Variants in SNRPD2 observed in about 807,000 individuals in gnomAD.
SNRPD2 encodes the protein small nuclear ribonucleoprotein D2 polypeptide, also known as small nuclear ribonucleoprotein Sm D2.
Under a neutral mutation model 11.5 loss-of-function variants are expected in SNRPD2, and 1 was observed. The observed-to-expected ratio is 0.09, with a 90% confidence interval of 0.03 to 0.41. SNRPD2 has a LOEUF of 0.41. Ranked by LOEUF, SNRPD2 falls within the 10% of genes least tolerant of loss-of-function variation. The pLI is 0.98. For synonymous variants in SNRPD2, 63 were observed against 61.5 expected (o/e 1.02, Z -0.12); for missense variants, 77 against 154.9 (o/e 0.50, Z 2.67).
chr19:45,690,330 A>C (rs1043231247), intron 1 of SNRPD2, among the ~76,000 whole-genome samples: 5 of 39,810 alleles, frequency 1.3e-4, no homozygotes, highest in African/African-American at 3.1e-4. Flanking sequence ...ACTCCGTCTC[A>C]AAAAAAAAAA....
In SNRPD2 at chr19:45,691,938, G is replaced by T. The variant is rs369793788; in HGVS notation, c.-50C>A. Reference sequence around the variant, plus strand: ...CTCCCGTTTCCTCCGCGTTGCTGCTGCCTGAGGAGAGAGAGGCGGGACTTC... The same window carrying T: ...CTCCCGTTTCCTCCGCGTTGCTGCTTCCTGAGGAGAGAGAGGCGGGACTTC... On this transcript the variant is annotated 5_prime_UTR_variant, in exon 1 of 3. Transcript: ENST00000342669. 2 of 1,613,884 alleles carry T rather than the reference G, an allele frequency of 1.2e-6. No homozygotes were observed. Among genetic ancestry groups the T allele is most frequent in the Non-Finnish European group, 1.7e-6 (2 of 1,179,906 alleles).
At chr19:45,691,987 T>C (rs562095087), upstream of SNRPD2, 129 of 1,612,240 alleles carry the variant, frequency 8.0e-5, no homozygotes, top group East Asian at 1.7e-3. Flanking sequence ...CCACTTCCGT[T>C]GGCGCCTGCG....
At position 45,688,602 on chromosome 19, in the gene SNRPD2, G is replaced by A. The variant is rs1967466680; in HGVS notation, c.3-36C>T. The A allele has an allele frequency of 1.9e-6, 3 of 1,570,890 alleles. No individual in the cohort carries two copies. The highest frequency in any genetic ancestry group is 2.6e-6 in the Non-Finnish European group (3 of 1,141,102). On this transcript the variant is annotated intron_variant, in intron 1 of 2. Transcript: ENST00000342669. The surrounding 1 kb of genome is among the most constrained non-coding windows in gnomAD (Gnocchi z 4.1). ...AAACATGGAACCAATAAGTGAGAGAGGCTGGAGTTGAGAGGCTGGAGCTGT... is the reference window on the plus strand; with the variant it reads ...AAACATGGAACCAATAAGTGAGAGAAGCTGGAGTTGAGAGGCTGGAGCTGT...
At chr19:45,691,535 A>ATTTTT in intron 1 of SNRPD2, 3 of 232,620 alleles carry the variant, frequency 1.3e-5, no homozygotes, top group African/African-American at 2.7e-5. Flanking sequence ...TTCATAATTA[A>ATTTTT]ATTTTTTTTT....
chr19:45,689,077 C>G (rs1350095476), intron 1 of SNRPD2, among the ~76,000 whole-genome samples: 4 of 151,004 alleles, frequency 2.6e-5, no homozygotes, highest in Non-Finnish European at 5.9e-5. Flanking sequence ...TCCAGATCAC[C>G]CAACCACCCA....
Position 45,688,987 on chromosome 19 carries a change from C to T in SNRPD2, c.3-421G>A, listed in dbSNP as rs1967474377. 6.6e-6 allele frequency among the ~76,000 whole-genome samples: 1 copy of T among 152,136 alleles called. No homozygotes were observed. The highest frequency in any genetic ancestry group is 2.4e-5 in the African/African-American group (1 of 41,420). On this transcript the variant is annotated intron_variant, in intron 1 of 2. Coordinates refer to ENST00000342669, the MANE Select transcript of SNRPD2 (RefSeq NM_001384647.1). This position sits in a 1 kb window ranked among gnomAD's most constrained non-coding sequence, Gnocchi z 4.1. ...TGACCTTGTGATCCACCCGCCTCGA[C>T]CTCCCAAAGTGCTGAGATTATAGGC...
At chr19:45,689,203 T>A (rs758618593) in intron 1 of SNRPD2, 11 of 520,026 alleles carry the variant, frequency 2.1e-5, no homozygotes, top group African/African-American at 7.7e-5. Flanking sequence ...ACATCCTACA[T>A]GAAATCTGTA....
rs563616095 is a variant in SNRPD2, at chr19:45,691,699, TC to T, written c.2+187del. On this transcript the variant is annotated intron_variant, in intron 1 of 2. Coordinates refer to ENST00000342669, the MANE Select transcript of SNRPD2 (RefSeq NM_001384647.1). ...GGCGTTATCTGATAAAGCTGTCCCC[TC>T]TCCCGAAGTCACGATGCGTCAAAGG... The T allele has an allele frequency of 5.6e-5, 41 of 737,474 alleles. No homozygotes were observed. In the African/African-American group the frequency reaches 6.9e-4, roughly 12 times the overall value. The allele number at this position is 737,474 out of a possible 1,614,324, so 45.7% of individuals were successfully genotyped here.
chr19:45,688,269 C>T lies in SNRPD2; in HGVS notation c.182+118G>A, dbSNP rs1206440159. The T allele has an allele frequency of 3.6e-6, 3 of 833,330 alleles. No individual in the cohort carries two copies. The Admixed American group carries it at 7.7e-5, about 21-fold the overall frequency. 51.6% of individuals were successfully genotyped at this position (833,330 alleles called of 1,614,324 possible). The stretch of plus-strand genomic sequence containing the variant: ...AAGTGCTGGGATTACAGGCATGAGC[C>T]ACCACGCCTGGCCATACACCCCAGG... On this transcript the variant is annotated intron_variant, in intron 2 of 2. Transcript: ENST00000342669. The surrounding 1 kb of genome is among the most constrained non-coding windows in gnomAD (Gnocchi z 4.1).
At chr19:45,689,633 C>G (rs1233064208) in intron 1 of SNRPD2, among the ~76,000 whole-genome samples, 2 of 152,218 alleles carry the variant, frequency 1.3e-5, no homozygotes, top group Admixed American at 1.3e-4. Context: ...ATTGCTTGAA[C>G]TCAGAGAGTC....
At chr19:45,690,648 A>G (rs1375698344) in intron 1 of SNRPD2, 1 of 151,524 alleles carries the variant, frequency 6.6e-6, no homozygotes, top group Non-Finnish European at 1.5e-5. Flanking sequence ...CTTGGCCAAC[A>G]TGGTGAAACC....
chr19:45,691,729 C>A, intron 1 of SNRPD2, 158 bp downstream of exon 1: 1 of 915,378 alleles, frequency 1.1e-6, no homozygotes, highest in South Asian at 1.4e-5. Flanking sequence ...TCAAAGGCCC[C>A]ACGCCCGTTC....
chr19:45,687,920 C>G lies in SNRPD2; in HGVS notation c.183-193G>C, dbSNP rs547406699. ...GGCTGAGGCAAAGGACTGCACCTCT[C>G]TGTGCCAGTTTGCTCCTTTTTAAGA... is the stretch of plus-strand genomic sequence containing the variant. On this transcript the variant is annotated intron_variant, in intron 2 of 2. Coordinates refer to ENST00000342669, the MANE Select transcript of SNRPD2 (RefSeq NM_001384647.1). This position sits in a 1 kb window ranked among gnomAD's most constrained non-coding sequence, Gnocchi z 4.1. Among the ~76,000 whole-genome samples the G allele has an allele frequency of 1.3e-5, 2 of 152,344 alleles. No homozygotes were observed. The highest frequency in any genetic ancestry group is 1.3e-4 in the Admixed American group (2 of 15,300).
At chr19:45,691,196 TCTCGGCTCACTGCAACCTCCGCCTCCCG>T (rs1424308045) in intron 1 of SNRPD2, among the ~76,000 whole-genome samples, 1 of 152,168 alleles carries the variant, frequency 6.6e-6, no homozygotes, top group Admixed American at 6.6e-5. Context: ...AGTGGCGCAA[TCTCGGCTCACTGCAACCTCCGCCTCCCG>T]GGTTCAAGCG....
Position 45,691,940 on chromosome 19 carries a change from C to G in SNRPD2, c.-52G>C. ...CCCGTTTCCTCCGCGTTGCTGCTGCCTGAGGAGAGAGAGGCGGGACTTCCT... is the reference window on the plus strand; with the variant it reads ...CCCGTTTCCTCCGCGTTGCTGCTGCGTGAGGAGAGAGAGGCGGGACTTCCT... On this transcript the variant is annotated 5_prime_UTR_variant, in exon 1 of 3. Coordinates refer to ENST00000342669, the MANE Select transcript of SNRPD2 (RefSeq NM_001384647.1). 6.2e-7 allele frequency: 1 copy of G among 1,614,074 alleles called. No homozygotes were observed. The highest frequency in any genetic ancestry group is 8.5e-7 in the Non-Finnish European group (1 of 1,179,924).
chr19:45,688,237 C>T lies in SNRPD2; in HGVS notation c.182+150G>A. 1.5e-6 allele frequency: 1 copy of T among 657,446 alleles called. No homozygotes were observed. Among genetic ancestry groups the T allele is most frequent in the Non-Finnish European group, 2.6e-6 (1 of 379,094 alleles). The allele number at this position is 657,446 out of a possible 1,614,324, so 40.7% of individuals were successfully genotyped here. A position where few individuals can be genotyped will look rare whatever the true frequency, so the allele number is the denominator to read the frequency against. On this transcript the variant is annotated intron_variant, in intron 2 of 2. Transcript: ENST00000342669. The surrounding 1 kb of genome is among the most constrained non-coding windows in gnomAD (Gnocchi z 4.1). ...ACCTCAGGTGATCTACCCGCCTTGC[C>T]TTCCCAAAGTGCTGGGATTACAGGC...
rs1350601503 is a variant in SNRPD2 at position 45,687,565 on chromosome 19, G to A, written c.345C>T (p.Ile115=). 5.0e-6 allele frequency: 8 copies of A among 1,614,162 alleles called. No homozygotes were observed. Among genetic ancestry groups the A allele is most frequent in the East Asian group, 2.2e-5 (1 of 44,886 alleles). The change falls in exon 3 of 3, where the codon ATC becomes ATT. Residue 115 remains isoleucine, a synonymous_variant. Coordinates refer to ENST00000342669, the MANE Select transcript of SNRPD2 (RefSeq NM_001384647.1). This position sits in a 1 kb window ranked among gnomAD's most constrained non-coding sequence, Gnocchi z 4.1. ...AGACAGGCGGCCCCTACTTGCCGGC[G>A]ATGAGCGGGTTCCGCAGGACCACGA... ...SVIVVLRNPL[I]AGK
chr19:45,690,021 AGT>A (rs1967496896), intron 1 of SNRPD2, among the ~76,000 whole-genome samples: 1 of 133,620 alleles, frequency 7.5e-6, no homozygotes, highest in African/African-American at 2.9e-5. Context: ...TGGGCTACAG[AGT>A]GAGACTCCAT....
At position 45,688,574 on chromosome 19, in the gene SNRPD2, G is replaced by T; in HGVS notation, c.3-8C>A. On this transcript the variant is annotated splice_region_variant and splice_polypyrimidine_tract_variant and intron_variant, in intron 1 of 2. Coordinates refer to ENST00000342669, the MANE Select transcript of SNRPD2 (RefSeq NM_001384647.1). This position sits in a 1 kb window ranked among gnomAD's most constrained non-coding sequence, Gnocchi z 4.1. ...GGCTTGTTGAGGAGGCTCCTGCATGGACAAACATGGAACCAATAAGTGAGA... is the reference window on the plus strand; with the variant it reads ...GGCTTGTTGAGGAGGCTCCTGCATGTACAAACATGGAACCAATAAGTGAGA... 1 of 1,611,202 alleles carries T rather than the reference G, an allele frequency of 6.2e-7. No individual in the cohort carries two copies. Among genetic ancestry groups the T allele is most frequent in the Non-Finnish European group, 8.5e-7 (1 of 1,177,496 alleles).
Sources: allele counts gnomAD v4.1 joint callset (sites outside exome capture counted in the v4.1 genomes callset), GRCh38; gene constraint gnomAD v4.1.1; non-coding constraint Gnocchi (gnomAD v3.1); transcripts MANE v1.5; gene names NCBI Gene and HGNC (gene_info 2026-07-23, HGNC 2026-07-21).